The following JARID2 variants were observed in gnomAD, a reference collection of about 807,000 sequenced individuals.
JARID2 encodes jumonji and AT-rich interaction domain containing 2.
JARID2 carries 21 observed loss-of-function variants against 125.6 expected under a neutral mutation model. That is an observed-to-expected ratio of 0.17 (90% CI 0.12 to 0.24). JARID2 has a LOEUF of 0.24. Among genes scored for constraint, JARID2 ranks in the 10% least tolerant of loss-of-function variants. JARID2 has a pLI of 1.00. For missense variants in JARID2, 1,303 were observed against 1,639.6 expected (o/e 0.79, Z 3.55); for synonymous variants, 736 against 661.6 (o/e 1.11, Z -1.73).
chr6:15,281,128 G>A (rs1327137061), intron 1 of JARID2, among the ~76,000 whole-genome samples: 2 of 152,200 alleles, frequency 1.3e-5, no homozygotes, highest in Non-Finnish European at 2.9e-5. Context: ...TCAGTGTTTG[G>A]TGTGTATAAG....
intron 2 of JARID2, among the ~76,000 whole-genome samples, chr6:15,407,364 C>A (rs895273437): frequency 3.9e-5 from 6 of 152,188 alleles, no homozygotes; most frequent in African/African-American, 1.4e-4. Context: ...GGGTGATTCG[C>A]ATGCATGCTC....
intron 3 of JARID2, among the ~76,000 whole-genome samples, chr6:15,436,593 T>C (rs1293136542): frequency 6.6e-6 from 1 of 151,944 alleles, no homozygotes; most frequent in East Asian, 1.9e-4. Context: ...GTCTTGGGAG[T>C]AGAGCCCTAG....
chr6:15,376,275 T>C lies in JARID2; in HGVS notation c.181+2023T>C, dbSNP rs77313399. Among the ~76,000 whole-genome samples the C allele has an allele frequency of 7.4e-3, 1,122 of 152,350 alleles. 14 individuals are homozygous for C. The highest frequency in any genetic ancestry group is 0.026 in the African/African-American group (1,064 of 41,582). On this transcript the variant is annotated intron_variant, in intron 2 of 17. Transcript: ENST00000341776. ...CTCGGCTTCTCTTTGGGTTGTGAAA[T>C]TGCTGTGAATATGCCATTTTCTAGT...
intron 1 of JARID2, among the ~76,000 whole-genome samples, chr6:15,273,555 G>A (rs1258088173): frequency 6.6e-6 from 1 of 152,184 alleles, no homozygotes; most frequent in African/African-American, 2.4e-5. Context: ...TACAAAATTA[G>A]CTGGGCATGG....
At chr6:15,291,487 G>A (rs536489592) in intron 1 of JARID2, among the ~76,000 whole-genome samples, 4 of 152,288 alleles carry the variant, frequency 2.6e-5, no homozygotes, top group African/African-American at 4.8e-5. Context: ...CTCAGCCTGC[G>A]TCAGGCTTGA....
chr6:15,334,417 C>T (rs1056958719), intron 1 of JARID2, among the ~76,000 whole-genome samples: 5 of 152,068 alleles, frequency 3.3e-5, no homozygotes, highest in South Asian at 2.1e-4. Context: ...TATATTGATA[C>T]GTATTTTAAT....
intron 5 of JARID2, among the ~76,000 whole-genome samples, chr6:15,484,428 T>C (rs1178740610): frequency 6.6e-6 from 1 of 152,230 alleles, no homozygotes; most frequent in Non-Finnish European, 1.5e-5. Context: ...TTTGTCTGCA[T>C]TGAAGCCCTT....
intron 1 of JARID2, among the ~76,000 whole-genome samples, chr6:15,331,510 C>T (rs1003352292): frequency 2.0e-4 from 31 of 152,078 alleles, no homozygotes; most frequent in African/African-American, 7.0e-4. Flanking sequence ...TTTGTCAAAA[C>T]CTGTAGAATG....
chr6:15,348,899 G>C (rs2127478646), intron 1 of JARID2, among the ~76,000 whole-genome samples: 1 of 152,302 alleles, frequency 6.6e-6, no homozygotes, highest in Admixed American at 6.5e-5. Context: ...AATTGGAAAA[G>C]AAATACTTAC....
At chr6:15,374,018 T>A in intron 1 of JARID2, 99 bp from the exon 2 acceptor site, 8 of 1,371,506 alleles carry the variant, frequency 5.8e-6, no homozygotes, top group Non-Finnish European at 8.1e-6. Flanking sequence ...GGTCACACAG[T>A]ACGTGTTCGG....
At chr6:15,483,491 C>T (rs888764517) in intron 5 of JARID2, among the ~76,000 whole-genome samples, 18 of 151,892 alleles carry the variant, frequency 1.2e-4, no homozygotes, top group African/African-American at 2.4e-4. Context: ...CTAAAGTACC[C>T]GTGATTTCAC....
chr6:15,385,282 G>C (rs1469669112), intron 2 of JARID2, among the ~76,000 whole-genome samples: 1 of 151,950 alleles, frequency 6.6e-6, no homozygotes, highest in South Asian at 2.1e-4. Flanking sequence ...TGATCTCTCT[G>C]TATGTTTCAG....
At chr6:15,485,846 G>A (rs1329367487) in intron 5 of JARID2, among the ~76,000 whole-genome samples, 1 of 152,160 alleles carries the variant, frequency 6.6e-6, no homozygotes, top group African/African-American at 2.4e-5. Flanking sequence ...TGGGGAAAAG[G>A]GAGTTTTCAG....
intron 1 of JARID2, among the ~76,000 whole-genome samples, chr6:15,320,682 T>G (rs1762320988): frequency 1.3e-5 from 2 of 152,224 alleles, no homozygotes; most frequent in East Asian, 1.9e-4. Context: ...GTAGCTAGAT[T>G]AGATGTTATT....
At chr6:15,355,483 C>T (rs1213710749) in intron 1 of JARID2, among the ~76,000 whole-genome samples, 1 of 152,026 alleles carries the variant, frequency 6.6e-6, no homozygotes, top group Non-Finnish European at 1.5e-5. Context: ...ATTTTAAGTA[C>T]AATTTGATTT....
At position 15,253,747 on chromosome 6, in the gene JARID2, A is replaced by T. The variant is rs941223714; in HGVS notation, c.45+7163A>T. ...TCCCAGAAAAGCATGGATTATAGAA[A>T]ACACCTCCAGATGACGACACAACAC... On this transcript the variant is annotated intron_variant, in intron 1 of 17. Coordinates refer to ENST00000341776, the MANE Select transcript of JARID2 (RefSeq NM_004973.4). Among the ~76,000 whole-genome samples, 18 of 152,092 alleles carry T rather than the reference A, an allele frequency of 1.2e-4. 1 individual carries two copies. Among genetic ancestry groups the T allele is most frequent in the Admixed American group, 9.2e-4 (14 of 15,272 alleles).
intron 13 of JARID2, among the ~76,000 whole-genome samples, 177 bp from the exon 14 acceptor site, chr6:15,512,031 G>T (rs1400451223): frequency 6.6e-6 from 1 of 152,196 alleles, no homozygotes; most frequent in African/African-American, 2.4e-5. Context: ...CATCACTCTT[G>T]GACCAGTGCA....
chr6:15,479,662 C>T (rs1050457468), intron 5 of JARID2, among the ~76,000 whole-genome samples: 2 of 152,062 alleles, frequency 1.3e-5, no homozygotes, highest in Admixed American at 6.5e-5. Context: ...GCCTGTAAAC[C>T]AGTAGAATTT....
chr6:15,253,342 C>T (rs1445857295), intron 1 of JARID2, among the ~76,000 whole-genome samples: 2 of 152,094 alleles, frequency 1.3e-5, no homozygotes, highest in Non-Finnish European at 1.5e-5. Flanking sequence ...GAATTACAGG[C>T]GTGAGCCACC....
Sources: allele counts gnomAD v4.1 joint callset (sites outside exome capture counted in the v4.1 genomes callset), GRCh38; gene constraint gnomAD v4.1.1; transcripts MANE v1.5; gene names NCBI Gene and HGNC (gene_info 2026-07-23, HGNC 2026-07-21).